Variants in ARHGAP9 observed in about 807,000 individuals in gnomAD.
The protein encoded by ARHGAP9 is Rho GTPase activating protein 9.
In ARHGAP9, 76 loss-of-function variants were observed where a neutral mutation model predicts 87.3. The observed-to-expected ratio is 0.87, with a 90% CI of 0.72 to 1.05. The LOEUF (loss-of-function observed/expected upper bound fraction) is 1.05. ARHGAP9 is among the 50% of genes least tolerant of loss of function. The pLI, the probability that ARHGAP9 is intolerant of heterozygous loss-of-function variation, is 0.00. For missense variants in ARHGAP9, 941 were observed against 960.5 expected (o/e 0.98, Z 0.27); for synonymous variants, 382 against 394.9 (o/e 0.97, Z 0.39).
intron 1 of ARHGAP9, among the ~76,000 whole-genome samples, chr12:57,485,126 T>C (rs1045194898): frequency 6.6e-6 from 1 of 150,864 alleles, no homozygotes; most frequent in African/African-American, 2.4e-5. Flanking sequence ...TTTGTATTTT[T>C]AGTAGAGACT....
At chr12:57,486,394 T>C (rs542106894) in intron 1 of ARHGAP9, among the ~76,000 whole-genome samples, 29 of 151,686 alleles carry the variant, frequency 1.9e-4, no homozygotes, top group African/African-American at 7.0e-4. Flanking sequence ...CTCAGCCTCC[T>C]GAGTAGCTGG....
In ARHGAP9 at chr12:57,474,414, T is replaced by C; in HGVS notation, c.1783+9A>G. ...TTTTAGGGATCTGAAGGGTCTTCCA[T>C]GTAAGTACCTTGTCCTGGCTGTTCT... On this transcript the variant is annotated intron_variant, in intron 15 of 17. Coordinates refer to ENST00000393791, the MANE Select transcript of ARHGAP9 (RefSeq NM_032496.4). The C allele has an allele frequency of 6.2e-7, 1 of 1,614,158 alleles. No individual in the cohort carries two copies. Among genetic ancestry groups the C allele is most frequent in the Non-Finnish European group, 8.5e-7 (1 of 1,179,994 alleles).
At chr12:57,482,600 G>A (rs1349749212), upstream of ARHGAP9, among the ~76,000 whole-genome samples, 1 of 152,130 alleles carries the variant, frequency 6.6e-6, no homozygotes, top group African/African-American at 2.4e-5. Flanking sequence ...AGCTGCTCGG[G>A]AGGCTGAGGT....
chr12:57,477,696 G>T lies in ARHGAP9; in HGVS notation c.535-16C>A, dbSNP rs1305668755. On this transcript the variant is annotated splice_polypyrimidine_tract_variant and intron_variant, in intron 3 of 17. Coordinates refer to ENST00000393791, the MANE Select transcript of ARHGAP9 (RefSeq NM_032496.4). ...GGGGGCCTGCCTGCCAGAAAAGGGG[G>T]AAGAAGGAGGTGGTCATTCTGCCTG... 3.7e-6 allele frequency: 6 copies of T among 1,608,736 alleles called. No homozygotes were observed. Among genetic ancestry groups the T allele is most frequent in the Non-Finnish European group, 5.1e-6 (6 of 1,176,164 alleles).
In ARHGAP9 at chr12:57,476,573, G is replaced by A. The variant is rs770897378; in HGVS notation, c.1025+17C>T. On this transcript the variant is annotated intron_variant, in intron 7 of 17. Coordinates refer to ENST00000393791, the MANE Select transcript of ARHGAP9 (RefSeq NM_032496.4). ...GGAGTTGACAGCCCAGGCCCTAGCT[G>A]TATTCTGGGTTCTCACCTGAGCTTG... is the stretch of plus-strand genomic sequence containing the variant. 1.9e-5 allele frequency: 30 copies of A among 1,614,124 alleles called. No individual in the cohort carries two copies. The South Asian group carries it at 2.9e-4, about 15-fold the overall frequency.
intron 1 of ARHGAP9, among the ~76,000 whole-genome samples, chr12:57,486,127 A>G (rs1199284347): frequency 6.6e-6 from 1 of 152,232 alleles, no homozygotes; most frequent in African/African-American, 2.4e-5. Flanking sequence ...TGCTTAAAAC[A>G]GTGCCTAGCT....
intron 5 of ARHGAP9, 46 bp downstream of exon 5, chr12:57,477,110 A>G: frequency 3.1e-6 from 5 of 1,598,020 alleles, no homozygotes; most frequent in Non-Finnish European, 4.3e-6. Flanking sequence ...AAGTCATAAC[A>G]AGCTGGCTTT....
upstream of ARHGAP9, chr12:57,484,106 G>A (rs1184111878): frequency 2.5e-5 from 5 of 201,164 alleles, no homozygotes; most frequent in Admixed American, 1.1e-4. Context: ...TAATCCCAGC[G>A]CTTTGGGAAG....
chr12:57,474,830 C>T, intron 13 of ARHGAP9, 45 bp downstream of exon 13: 2 of 1,612,238 alleles, frequency 1.2e-6, no homozygotes, highest in Non-Finnish European at 1.7e-6. Flanking sequence ...AAATTCTAGG[C>T]CTTAGCCTGT....
At position 57,474,567 on chromosome 12, in the gene ARHGAP9, G is replaced by A. The variant is rs375113199; in HGVS notation, c.1729+59C>T. The A allele has an allele frequency of 2.9e-5, 47 of 1,612,406 alleles. No homozygotes were observed. In the Middle Eastern group the frequency reaches 8.3e-4, roughly 28 times the overall value. On this transcript the variant is annotated intron_variant, in intron 14 of 17. Transcript: ENST00000393791. ...TCTGCCAGCTTCCTCATGTAGGACC[G>A]CCCATGGTTCTCAGGCAAGACATTC...
chr12:57,480,434 A>T (rs909652770), upstream of ARHGAP9, among the ~76,000 whole-genome samples: 15 of 152,158 alleles, frequency 9.9e-5, no homozygotes, highest in African/African-American at 3.4e-4. Flanking sequence ...CACCCGCCTC[A>T]GCCTCCCAAA....
chr12:57,483,999 C>A, upstream of ARHGAP9: 1 of 401,094 alleles, frequency 2.5e-6, no homozygotes, highest in Non-Finnish European at 5.0e-6. Context: ...TGAGATCATG[C>A]CACTGCACTC....
Position 57,476,771 on chromosome 12 carries a change from G to C in ARHGAP9, c.963+100C>G, listed in dbSNP as rs1873853655. The C allele has an allele frequency of 2.0e-6, 3 of 1,517,512 alleles. No individual in the cohort carries two copies. In the South Asian group the frequency reaches 3.4e-5, roughly 17 times the overall value. The allele number at this position is 1,517,512 out of a possible 1,614,324, so 94.0% of individuals were successfully genotyped here. A position where few individuals can be genotyped will look rare whatever the true frequency, so the allele number is the denominator to read the frequency against. Reference sequence around the variant, plus strand: ...AAAGTTGCTGGGGGAGGGCTGGGTAGGAGGATATTCAGAAAGAGGAAGATG... The same window carrying C: ...AAAGTTGCTGGGGGAGGGCTGGGTACGAGGATATTCAGAAAGAGGAAGATG... On this transcript the variant is annotated intron_variant, in intron 6 of 17. Coordinates refer to ENST00000393791, the MANE Select transcript of ARHGAP9 (RefSeq NM_032496.4).
At chr12:57,477,861 C>G (rs1241112033) in intron 3 of ARHGAP9, 181 bp from the exon 4 acceptor site, 1 of 1,426,772 alleles carries the variant, frequency 7.0e-7, no homozygotes, top group African/African-American at 1.4e-5. Context: ...AAAATTCTCT[C>G]TCTCACAGTT....
At chr12:57,477,953 G>A (rs1206780239) in intron 3 of ARHGAP9, 4 of 1,255,916 alleles carry the variant, frequency 3.2e-6, no homozygotes, top group Non-Finnish European at 4.1e-6. Context: ...CAGGAAAGGG[G>A]AACAGGCTTT....
rs78676655 is a variant in ARHGAP9 at position 57,479,229 on chromosome 12, C to T, written c.178G>A (p.Asp60Asn). 365 of 1,614,192 alleles carry T rather than the reference C, an allele frequency of 2.3e-4. 2 individuals carry two copies. The African/African-American group carries it at 3.6e-3, about 16-fold the overall frequency. The change falls in exon 2 of 18, where the codon GAC (aspartate) becomes AAC (asparagine). Residue 60 changes from aspartate (D) to asparagine (N), a missense_variant. By Grantham distance (23) the Asp-to-Asn change is conservative. Transcript: ENST00000393791. Reference sequence around the variant, plus strand: ...TCTAGGCGTCTTGCCAACCACCAGTCGGAGTTGGTCTTTCGAAGCAGTAGG... The same window carrying T: ...TCTAGGCGTCTTGCCAACCACCAGTTGGAGTTGGTCTTTCGAAGCAGTAGG... ...RFLLLRKTNS[D>N]WWLARRLEAP...
Position 57,475,295 on chromosome 12 carries a change from G to T in ARHGAP9, c.1548C>A (p.Leu516=). 3.8e-6 allele frequency: 6 copies of T among 1,589,744 alleles called. No individual in the cohort carries two copies. Among genetic ancestry groups the T allele is most frequent in the Non-Finnish European group, 5.1e-6 (6 of 1,167,178 alleles). ...PLQSLQERGL[L]RDQVFGCQLE... is the part of the protein sequence containing the mutation. Reference sequence around the variant, plus strand: ...AACCTGGCCCAGCCCCCTCACCTCGGAGCAGACCCCGCTCCTGCAGGCTTT... The same window carrying T: ...AACCTGGCCCAGCCCCCTCACCTCGTAGCAGACCCCGCTCCTGCAGGCTTT... Residue 516 remains leucine, a synonymous_variant, in exon 12 of 18, where the codon CTC becomes CTA. Transcript: ENST00000393791.
rs1238677576 is a variant in ARHGAP9, at chr12:57,477,441, C to G, written c.756+18G>C. 1.9e-6 allele frequency: 3 copies of G among 1,612,540 alleles called. No individual in the cohort carries two copies. Among genetic ancestry groups the G allele is most frequent in the Admixed American group, 3.3e-5 (2 of 59,864 alleles). On this transcript the variant is annotated intron_variant, in intron 4 of 17. Transcript: ENST00000393791. ...AGAGCTTGAGGGGACAGTGGAGAAG[C>G]AGGAGGTAAGGTCTCACCGTCTCGC...
rs1873165327 is a variant in ARHGAP9 at position 57,475,317 on chromosome 12, C to T, written c.1526G>A (p.Ser509Asn). 3 of 1,601,314 alleles carry T rather than the reference C, an allele frequency of 1.9e-6. No homozygotes were observed. Among genetic ancestry groups the T allele is most frequent in the Non-Finnish European group, 2.6e-6 (3 of 1,173,588 alleles). The change falls in exon 12 of 18, where the codon AGC becomes AAC. Residue 509 changes from serine (S) to asparagine (N), a missense_variant. Physicochemically the swap from Ser to Asn is conservative, Grantham distance 46. Transcript: ENST00000393791. ...TCGGAGCAGACCCCGCTCCTGCAGG[C>T]TTTGTAAGGGCGGTCTCTTCGCGAT... The part of the protein sequence containing the change: ...RLIAKRPPLQ[S>N]LQERGLLRDQ...
Sources: gnomAD v4.1 joint callset for allele counts (sites outside exome capture counted in the v4.1 genomes callset) on GRCh38, gnomAD v4.1.1 for gene constraint, MANE v1.5 for transcripts, NCBI Gene and HGNC (gene_info 2026-07-23, HGNC 2026-07-21) for gene names.